The following MACROH2A2 variants were observed in gnomAD, a reference collection of about 807,000 sequenced individuals.
MACROH2A2 encodes core histone macro-H2A.2.
In MACROH2A2, 6 loss-of-function variants were observed where a neutral mutation model predicts 37.6. The ratio of observed to expected loss-of-function variants is 0.16; its 90% CI spans 0.09 to 0.32. The LOEUF is 0.32. Among genes scored for constraint, MACROH2A2 ranks in the 10% least tolerant of loss-of-function variants. MACROH2A2 has a pLI of 1.00. For synonymous variants in MACROH2A2, 192 were observed against 202.7 expected, an observed-to-expected ratio of 0.95 and a Z score of 0.45; for missense variants, 290 against 485.9, an observed-to-expected ratio of 0.60 and a Z score of 3.79.
intron 1 of MACROH2A2, among the ~76,000 whole-genome samples, chr10:70,057,740 T>C (rs1469135016): frequency 6.6e-6 from 1 of 152,254 alleles, no homozygotes; most frequent in Non-Finnish European, 1.5e-5. Flanking sequence ...AATAGTTCTC[T>C]ATAATGATTT....
intron 1 of MACROH2A2, among the ~76,000 whole-genome samples, chr10:70,054,039 C>T (rs1169524051): frequency 6.6e-6 from 1 of 152,100 alleles, no homozygotes. Flanking sequence ...GTGTCCTCCC[C>T]CGCCTTTCCT....
At chr10:70,093,320 C>G (rs2072257372) in intron 4 of MACROH2A2, among the ~76,000 whole-genome samples, 2 of 152,180 alleles carry the variant, frequency 1.3e-5, no homozygotes, top group East Asian at 1.9e-4. Context: ...TTGGACAACC[C>G]TACTGTAGAA....
rs1303368583 is a variant in MACROH2A2, at chr10:70,075,180, T to C, written c.-59-420T>C. ...TTCTAAGGCAATTATGTTAGCCCCATCCAGATAATCCAAGATAAACCTCCC... is the reference window on the plus strand; with the variant it reads ...TTCTAAGGCAATTATGTTAGCCCCACCCAGATAATCCAAGATAAACCTCCC... On this transcript the variant is annotated intron_variant, in intron 1 of 8. Transcript: ENST00000373255. The surrounding 1 kb of genome is among the most constrained non-coding windows in gnomAD (Gnocchi z 5.0). 6.6e-6 allele frequency among the ~76,000 whole-genome samples: 1 copy of C among 152,162 alleles called. No individual in the cohort carries two copies. Among genetic ancestry groups the C allele is most frequent in the African/African-American group, 2.4e-5 (1 of 41,428 alleles).
intron 5 of MACROH2A2, 28 bp downstream of exon 5, chr10:70,093,873 A>C: frequency 8.6e-7 from 1 of 1,160,176 alleles, no homozygotes; most frequent in Non-Finnish European, 1.3e-6. Flanking sequence ...CTTGTGCTAT[A>C]TTAAAACACC....
chr10:70,094,623 T>C (rs1440893040), intron 5 of MACROH2A2, among the ~76,000 whole-genome samples: 1 of 152,196 alleles, frequency 6.6e-6, no homozygotes, highest in Non-Finnish European at 1.5e-5. Flanking sequence ...TCGTCACTGA[T>C]GAAAGCAGGG....
Position 70,075,921 on chromosome 10 carries a change from T to C in MACROH2A2, c.172+91T>C, listed in dbSNP as rs1278130609. The C allele has an allele frequency of 8.8e-7, 1 of 1,133,798 alleles. No individual in the cohort carries two copies. The highest frequency in any genetic ancestry group is 1.5e-5 in the South Asian group (1 of 68,878). The allele number at this position is 1,133,798 out of a possible 1,614,324, so 70.2% of individuals were successfully genotyped here. ...CAGGCTGGGGAGGGATGCTCCAAAT[T>C]GCCTTTTGGCTGGCTCAAGGCTACT... On this transcript the variant is annotated intron_variant, in intron 2 of 8. Transcript: ENST00000373255. This position sits in a 1 kb window ranked among gnomAD's most constrained non-coding sequence, Gnocchi z 5.0.
At position 70,086,486 on chromosome 10, in the gene MACROH2A2, C is replaced by T. The variant is rs374433682; in HGVS notation, c.173-3574C>T. Among the ~76,000 whole-genome samples the T allele has an allele frequency of 2.0e-4, 31 of 152,130 alleles. No individual in the cohort carries two copies. In the East Asian group the frequency reaches 3.7e-3, roughly 18 times the overall value. On this transcript the variant is annotated intron_variant, in intron 2 of 8. Transcript: ENST00000373255. ...TCTCGTCCTATGCTACGTTTGATTC[C>T]GGCAGATTATTTTGTCTGTGAATGT...
At chr10:70,105,193 A>C (rs755030059) in intron 7 of MACROH2A2, among the ~76,000 whole-genome samples, 7 of 152,244 alleles carry the variant, frequency 4.6e-5, no homozygotes, top group Non-Finnish European at 1.0e-4. Context: ...CAAGGAATAC[A>C]AAAGTGCTTC....
chr10:70,102,905 G>GGAGGGCTGCAGCAGCACCTGCA (rs549730724), intron 7 of MACROH2A2, among the ~76,000 whole-genome samples: 2,082 of 152,174 alleles, frequency 0.014, 42 homozygotes, highest in African/African-American at 0.048. Flanking sequence ...GACAGAGACA[G>GGAGGGCTGCAGCAGCACCTGCA]GAGGGCTGCA....
At chr10:70,060,236 G>T (rs190852581) in intron 1 of MACROH2A2, among the ~76,000 whole-genome samples, 236 of 152,188 alleles carry the variant, frequency 1.6e-3, no homozygotes, top group African/African-American at 5.5e-3. Context: ...GGGGCACAGT[G>T]GTGGGCGCCT....
intron 2 of MACROH2A2, among the ~76,000 whole-genome samples, chr10:70,076,121 C>T (rs566967072): frequency 2.0e-5 from 3 of 152,124 alleles, no homozygotes; most frequent in Non-Finnish European, 2.9e-5. Flanking sequence ...TTGCTTTAAG[C>T]GAATGCAATA....
At position 70,078,669 on chromosome 10, in the gene MACROH2A2, C is replaced by G. The variant is rs550891115; in HGVS notation, c.172+2839C>G. 3.3e-5 allele frequency among the ~76,000 whole-genome samples: 5 copies of G among 152,352 alleles called. No homozygotes were observed. The East Asian group carries it at 9.6e-4, about 29-fold the overall frequency. On this transcript the variant is annotated intron_variant, in intron 2 of 8. Coordinates refer to ENST00000373255, the MANE Select transcript of MACROH2A2 (RefSeq NM_018649.3). ...TAAATGCTAATTCTTCTCCTCCCCC[C>G]TCTATTAAGAGCTGACAAAATCATT...
At chr10:70,083,076 G>A (rs1554822257) in intron 2 of MACROH2A2, among the ~76,000 whole-genome samples, 1 of 151,732 alleles carries the variant, frequency 6.6e-6, no homozygotes, top group Non-Finnish European at 1.5e-5. Context: ...ACAGGGTATA[G>A]CCCCCCTGCA....
chr10:70,078,351 T>C (rs2072153219), intron 2 of MACROH2A2, among the ~76,000 whole-genome samples: 1 of 152,160 alleles, frequency 6.6e-6, no homozygotes, highest in African/African-American at 2.4e-5. Flanking sequence ...CCCCGGCCAG[T>C]CCCAGTGTCC....
intron 2 of MACROH2A2, among the ~76,000 whole-genome samples, chr10:70,089,801 C>T (rs895948200): frequency 6.6e-6 from 1 of 151,732 alleles, no homozygotes; most frequent in Non-Finnish European, 1.5e-5. Flanking sequence ...CTCTGTTGCC[C>T]AGGCTGGGGT....
chr10:70,070,979 GTGTGTC>G (rs927457505), intron 1 of MACROH2A2, among the ~76,000 whole-genome samples: 13 of 150,678 alleles, frequency 8.6e-5, no homozygotes, highest in Admixed American at 4.6e-4. Context: ...GTGTGTGTGT[GTGTGTC>G]TGTGTGCATG....
chr10:70,060,955 C>G (rs1254073798), intron 1 of MACROH2A2, among the ~76,000 whole-genome samples: 3 of 150,086 alleles, frequency 2.0e-5, no homozygotes, highest in African/African-American at 7.4e-5. Context: ...GCACTCCAGC[C>G]TGGGTGACAG....
intron 1 of MACROH2A2, among the ~76,000 whole-genome samples, chr10:70,069,557 C>T (rs765729275): frequency 2.0e-5 from 3 of 152,074 alleles, no homozygotes; most frequent in Admixed American, 6.6e-5. Flanking sequence ...AGGGATTGCC[C>T]ACATGGTGTC....
rs1370942755 is a variant in MACROH2A2 at position 70,109,106 on chromosome 10, C to G, written c.852C>G (p.Asp284Glu). 2 of 1,614,134 alleles carry G rather than the reference C, an allele frequency of 1.2e-6. No homozygotes were observed. Among genetic ancestry groups the G allele is most frequent in the Non-Finnish European group, 1.7e-6 (2 of 1,179,960 alleles). The change falls in exon 8 of 9, where the codon GAC (aspartate) becomes GAG (glutamate). Residue 284 changes from aspartate to glutamate, a missense_variant. Physicochemically the swap from Asp to Glu is conservative, Grantham distance 45 (BLOSUM62 2). Around this residue, in one of 3 missense-constraint regions of MACROH2A2, gnomAD observed 130 missense variants for 257.1 expected, o/e 0.51. Coordinates refer to ENST00000373255, the MANE Select transcript of MACROH2A2 (RefSeq NM_018649.3). ...GTCACATCCCTCAGTGGGGCTCCGACAAATGTGAAGAACAGCTTGAAGAGA... is the reference window on the plus strand; with the variant it reads ...GTCACATCCCTCAGTGGGGCTCCGAGAAATGTGAAGAACAGCTTGAAGAGA... ...IHCHIPQWGS[D>E]KCEEQLEETI...
Sources: allele counts gnomAD v4.1 joint callset (sites outside exome capture counted in the v4.1 genomes callset), GRCh38; gene constraint gnomAD v4.1.1; regional missense constraint gnomAD v4.1.1; non-coding constraint Gnocchi (gnomAD v3.1); transcripts MANE v1.5; gene names NCBI Gene and HGNC (gene_info 2026-07-23, HGNC 2026-07-21).